The following SUGCT variants were observed in gnomAD, a reference collection of about 807,000 sequenced individuals.
SUGCT encodes the protein succinyl-CoA:glutarate-CoA transferase.
Under a neutral mutation model 55.0 loss-of-function variants are expected in SUGCT, and 41 were observed. The observed-to-expected ratio is 0.74, with a 90% CI of 0.58 to 0.97. The LOEUF is 0.97. Among genes scored for constraint, SUGCT ranks in the 50% least tolerant of loss-of-function variants. SUGCT has a pLI of 0.00. For synonymous variants in SUGCT, 187 were observed against 200.4 expected (o/e 0.93, Z 0.56); for missense variants, 568 against 547.8 (o/e 1.04, Z -0.37).
chr7:40,267,481 A>G (rs946839884), intron 7 of SUGCT, among the ~76,000 whole-genome samples: 3 of 152,216 alleles, frequency 2.0e-5, no homozygotes, highest in Non-Finnish European at 2.9e-5. Flanking sequence ...ATTGCTTAAC[A>G]AGGTTTGTGA....
At chr7:40,396,493 A>G (rs1785737605) in intron 9 of SUGCT, among the ~76,000 whole-genome samples, 1 of 152,286 alleles carries the variant, frequency 6.6e-6, no homozygotes, top group East Asian at 1.9e-4. Flanking sequence ...AGGTTGAACT[A>G]AAAGTACTTA....
chr7:40,433,645 C>T (rs1788023627), intron 9 of SUGCT, among the ~76,000 whole-genome samples: 2 of 152,138 alleles, frequency 1.3e-5, no homozygotes, highest in Admixed American at 1.3e-4. Flanking sequence ...TCATGCTATT[C>T]TCTTCAACCA....
At chr7:40,889,685 C>T in the SUGCT span, among the ~76,000 whole-genome samples, 1 of 152,144 alleles carries the variant, frequency 6.6e-6, no homozygotes, top group African/African-American at 2.4e-5. Flanking sequence ...AAGAAACTCC[C>T]TTCAAACTTC....
chr7:40,580,372 T>TATA (rs1797017554), intron 12 of SUGCT, among the ~76,000 whole-genome samples: 1 of 152,230 alleles, frequency 6.6e-6, no homozygotes, highest in Non-Finnish European at 1.5e-5. Context: ...TATGTCCTAT[T>TATA]AGCATTTAAA....
intron 13 of SUGCT, among the ~76,000 whole-genome samples, chr7:40,786,814 G>A (rs1324898113): frequency 6.6e-6 from 1 of 152,076 alleles, no homozygotes; most frequent in Non-Finnish European, 1.5e-5. Flanking sequence ...TTAATGTTTT[G>A]GATCATTAAG....
At chr7:40,874,922 C>T in the SUGCT span, among the ~76,000 whole-genome samples, 7 of 152,248 alleles carry the variant, frequency 4.6e-5, no homozygotes, top group Admixed American at 1.3e-4. Context: ...TGTCTGCCTG[C>T]TCCATGGAAA....
intron 12 of SUGCT, among the ~76,000 whole-genome samples, chr7:40,600,509 T>C (rs1441218329): frequency 6.6e-6 from 1 of 152,236 alleles, no homozygotes; most frequent in East Asian, 1.9e-4. Flanking sequence ...TCTCCAGGGC[T>C]TTCACATCAG....
At chr7:40,318,463 G>A (rs1392976437) in intron 9 of SUGCT, among the ~76,000 whole-genome samples, 1 of 152,214 alleles carries the variant, frequency 6.6e-6, no homozygotes, top group African/African-American at 2.4e-5. Context: ...TAGAGACAGA[G>A]TCTTGCTCTG....
chr7:40,643,885 T>C (rs1415779927), intron 12 of SUGCT, among the ~76,000 whole-genome samples: 3 of 152,206 alleles, frequency 2.0e-5, no homozygotes, highest in Non-Finnish European at 4.4e-5. Context: ...TTTCTATGGC[T>C]CAGCCCCCTG....
intron 9 of SUGCT, among the ~76,000 whole-genome samples, chr7:40,336,669 G>T (rs983287183): frequency 1.8e-4 from 28 of 152,042 alleles, no homozygotes; most frequent in South Asian, 6.2e-4. Context: ...CTAGCGGTCT[G>T]TCAATTTTGT....
chr7:40,531,743 G>A (rs1020851682), intron 12 of SUGCT, among the ~76,000 whole-genome samples: 3 of 151,690 alleles, frequency 2.0e-5, no homozygotes, highest in South Asian at 2.1e-4. Flanking sequence ...GCACGATCTC[G>A]GCTCACTGTA....
chr7:41,002,970 T>C, the SUGCT span, among the ~76,000 whole-genome samples: 1 of 152,010 alleles, frequency 6.6e-6, no homozygotes. Flanking sequence ...TAGGAGGCAT[T>C]CAATGAAAAT....
intron 12 of SUGCT, among the ~76,000 whole-genome samples, chr7:40,627,613 A>G (rs1331916272): frequency 6.6e-6 from 1 of 152,250 alleles, no homozygotes; most frequent in Non-Finnish European, 1.5e-5. Flanking sequence ...TTACACTCCT[A>G]TGAAAATATC....
chr7:40,211,432 C>T (rs768505060), intron 6 of SUGCT, among the ~76,000 whole-genome samples: 2 of 152,136 alleles, frequency 1.3e-5, no homozygotes, highest in African/African-American at 2.4e-5. Context: ...CCAGGCTGAT[C>T]TTGAACTCCT....
intron 7 of SUGCT, among the ~76,000 whole-genome samples, chr7:40,262,090 CA>C (rs1791257090): frequency 6.6e-6 from 1 of 152,122 alleles, no homozygotes; most frequent in African/African-American, 2.4e-5. Flanking sequence ...AGATGGTTTT[CA>C]GTCAGTAGAC....
the SUGCT span, among the ~76,000 whole-genome samples, chr7:40,963,678 A>G: frequency 6.6e-6 from 1 of 152,214 alleles, no homozygotes; most frequent in Non-Finnish European, 1.5e-5. Context: ...GCTTACATAT[A>G]TCGATAATCC....
the SUGCT span, among the ~76,000 whole-genome samples, chr7:40,940,869 C>T: frequency 1.7e-4 from 26 of 152,128 alleles, no homozygotes; most frequent in East Asian, 4.4e-3. Flanking sequence ...TTATTTCTTT[C>T]CCTTGCCTGA....
At chr7:40,765,363 CA>C (rs899043812) in intron 13 of SUGCT, among the ~76,000 whole-genome samples, 3 of 149,724 alleles carry the variant, frequency 2.0e-5, no homozygotes, top group East Asian at 3.9e-4. Flanking sequence ...ACTAAATAAA[CA>C]AAAAAAATGG....
At chr7:40,652,797 G>C (rs1800839393) in intron 12 of SUGCT, among the ~76,000 whole-genome samples, 1 of 152,132 alleles carries the variant, frequency 6.6e-6, no homozygotes, top group Admixed American at 6.6e-5. Flanking sequence ...GCTGCCTAAA[G>C]ATCTTTGTAA....
Sources: gnomAD v4.1 joint callset for allele counts (sites outside exome capture counted in the v4.1 genomes callset) on GRCh38, gnomAD v4.1.1 for gene constraint, MANE v1.5 for transcripts, NCBI Gene and HGNC (gene_info 2026-07-23, HGNC 2026-07-21) for gene names.